The following NCAM1 variants were observed in gnomAD, a reference collection of about 807,000 sequenced individuals.
The protein encoded by NCAM1 is neural cell adhesion molecule 1, also known as antigen recognized by monoclonal antibody 5.1H11.
NCAM1 carries 14 observed loss-of-function variants against 109.8 expected under a neutral mutation model. That is an observed-to-expected ratio of 0.13 (90% confidence interval 0.08 to 0.20). The LOEUF (loss-of-function observed/expected upper bound fraction) is 0.20, where lower values mean the gene tolerates loss of function less well. NCAM1 is among the 10% of genes least tolerant of loss of function. The pLI is 1.00. For synonymous variants in NCAM1, 418 were observed against 442.9 expected (o/e 0.94, Z 0.70); for missense variants, 774 against 1,109.9 (o/e 0.70, Z 4.30).
In NCAM1 at chr11:113,190,422, C is replaced by G. The variant is rs1943641499; in HGVS notation, c.53-11957C>G. Among the ~76,000 whole-genome samples, 3 of 152,174 alleles carry G rather than the reference C, an allele frequency of 2.0e-5. No homozygotes were observed. The South Asian group carries it at 6.2e-4, about 31-fold the overall frequency. ...ATGTTGCCAGATGTAATACTGCAGA[C>G]TCACAGAAGAAGAATGTATTTTGGA... is the stretch of plus-strand genomic sequence containing the variant. On this transcript the variant is annotated intron_variant, in intron 1 of 19. Coordinates refer to ENST00000316851, the MANE Select transcript of NCAM1 (RefSeq NM_181351.5).
intron 14 of NCAM1, among the ~76,000 whole-genome samples, chr11:113,237,957 G>GATATAGATATATAGATATATATAGATAT (rs782552148): frequency 7.1e-6 from 1 of 140,042 alleles, no homozygotes; most frequent in African/African-American, 2.8e-5. Context: ...TAGATATATA[G>GATATAGATATATAGATATATATAGATAT]ATAGATAGAT....
intron 1 of NCAM1, among the ~76,000 whole-genome samples, chr11:113,169,787 C>T (rs1324679611): frequency 3.3e-5 from 5 of 151,918 alleles, no homozygotes; most frequent in Admixed American, 2.0e-4. Context: ...GCCACATGTC[C>T]GCCTAATTTT....
chr11:113,064,224 A>C (rs1312213539), intron 1 of NCAM1, among the ~76,000 whole-genome samples: 1 of 152,154 alleles, frequency 6.6e-6, no homozygotes. Context: ...TTTCTTCCTC[A>C]CTGTGACGAG....
chr11:113,225,913 A>G (rs1591436139), intron 9 of NCAM1, among the ~76,000 whole-genome samples: 1 of 152,244 alleles, frequency 6.6e-6, no homozygotes. Context: ...GGCCTGCCCT[A>G]CAAGAGCTCC....
rs151223325 is a variant in NCAM1 at position 113,090,008 on chromosome 11, C to T, written c.53-112371C>T. On this transcript the variant is annotated intron_variant, in intron 1 of 19. Transcript: ENST00000316851. ...ATGCAGAGTGAAATACATAGATTGA[C>T]GAAAAGAGTATCCTCAAAATTTGTA... Among the ~76,000 whole-genome samples the T allele has an allele frequency of 6.3e-3, 965 of 152,186 alleles. 9 individuals carry two copies. The highest frequency in any genetic ancestry group is 0.012 in the Non-Finnish European group (799 of 68,004).
chr11:113,150,514 T>C (rs1227996639), intron 1 of NCAM1, among the ~76,000 whole-genome samples: 1 of 152,228 alleles, frequency 6.6e-6, no homozygotes, highest in Non-Finnish European at 1.5e-5. Context: ...CAAGGCTTTA[T>C]TAAGCATCTT....
At chr11:113,211,202 C>G (rs1555113612) in intron 7 of NCAM1, among the ~76,000 whole-genome samples, 1 of 152,190 alleles carries the variant, frequency 6.6e-6, no homozygotes. Flanking sequence ...CCCCTTCCAA[C>G]TTGCCATTGT....
At chr11:113,114,760 C>T (rs1286565410) in intron 1 of NCAM1, among the ~76,000 whole-genome samples, 1 of 152,198 alleles carries the variant, frequency 6.6e-6, no homozygotes, top group Non-Finnish European at 1.5e-5. Context: ...TAACCTTTTA[C>T]TCAGCTAGTC....
chr11:112,972,361 G>A (rs540086857), intron 1 of NCAM1, among the ~76,000 whole-genome samples: 13 of 152,254 alleles, frequency 8.5e-5, no homozygotes, highest in African/African-American at 2.9e-4. Flanking sequence ...ACGCCCACAA[G>A]TATTTATGTG....
chr11:113,172,763 T>G (rs188464833), intron 1 of NCAM1, among the ~76,000 whole-genome samples: 43 of 152,318 alleles, frequency 2.8e-4, no homozygotes, highest in Non-Finnish European at 4.7e-4. Context: ...GGTCTTTTTT[T>G]ATTTTTTTTC....
At chr11:113,004,550 A>G (rs1027634647) in intron 1 of NCAM1, among the ~76,000 whole-genome samples, 1 of 152,052 alleles carries the variant, frequency 6.6e-6, no homozygotes, top group Non-Finnish European at 1.5e-5. Context: ...TTCACTCACA[A>G]TTTTGAAGTT....
intron 15 of NCAM1, among the ~76,000 whole-genome samples, chr11:113,246,817 G>A (rs1319025990): frequency 6.6e-6 from 1 of 152,244 alleles, no homozygotes; most frequent in Non-Finnish European, 1.5e-5. Flanking sequence ...GCTACAGAGT[G>A]AAATATATCA....
chr11:113,021,658 A>G (rs1555076304), intron 1 of NCAM1, among the ~76,000 whole-genome samples: 2 of 152,226 alleles, frequency 1.3e-5, no homozygotes, highest in African/African-American at 4.8e-5. Flanking sequence ...CACAAAATGC[A>G]ACTAATAATG....
At chr11:113,028,358 G>T (rs1344781644) in intron 1 of NCAM1, among the ~76,000 whole-genome samples, 1 of 151,722 alleles carries the variant, frequency 6.6e-6, no homozygotes, top group Admixed American at 6.6e-5. Flanking sequence ...AAAAAAAAAA[G>T]AATAGAATGG....
At chr11:113,002,448 A>C (rs548596968) in intron 1 of NCAM1, among the ~76,000 whole-genome samples, 20 of 152,326 alleles carry the variant, frequency 1.3e-4, no homozygotes, top group Non-Finnish European at 2.4e-4. Flanking sequence ...AAAATATTAA[A>C]AATTAGGCTA....
intron 1 of NCAM1, among the ~76,000 whole-genome samples, chr11:113,185,068 T>TTATATATATATATATATATATATATATA (rs148340673): frequency 9.0e-5 from 9 of 99,618 alleles, no homozygotes; most frequent in Admixed American, 4.4e-4. Context: ...GCATTTATAT[T>TTATATATATATATATATATATATATATA]TATATATATA....
intron 1 of NCAM1, among the ~76,000 whole-genome samples, chr11:113,163,640 G>A (rs1318170020): frequency 2.0e-5 from 3 of 152,184 alleles, no homozygotes; most frequent in African/African-American, 7.2e-5. Flanking sequence ...GCCCTTTGCT[G>A]TCTGCCAAGA....
intron 1 of NCAM1, among the ~76,000 whole-genome samples, chr11:113,026,584 A>G (rs192189604): frequency 1.4e-3 from 219 of 152,292 alleles, no homozygotes; most frequent in African/African-American, 4.7e-3. Flanking sequence ...TAAAGTTTAA[A>G]CAGTGGCGAC....
chr11:113,221,237 G>A (rs559370444), intron 8 of NCAM1, 59 bp from the exon 9 acceptor site: 6 of 1,527,716 alleles, frequency 3.9e-6, no homozygotes, highest in Admixed American at 2.0e-5. Flanking sequence ...ATTCTCTAAA[G>A]CAACATGTTG....
Sources: allele counts gnomAD v4.1 joint callset (sites outside exome capture counted in the v4.1 genomes callset), GRCh38; gene constraint gnomAD v4.1.1; transcripts MANE v1.5; gene names NCBI Gene and HGNC (gene_info 2026-07-23, HGNC 2026-07-21).